DCTD: variants seen among roughly 807,000 people sequenced by gnomAD.
DCTD encodes deoxycytidylate deaminase.
DCTD carries 23 observed loss-of-function variants against 21.0 expected under a neutral mutation model. The ratio of observed to expected loss-of-function variants is 1.09; its 90% CI spans 0.79 to 1.55. The LOEUF is 1.55. Ranked by LOEUF, DCTD falls within the 40% of genes most tolerant of loss-of-function variation. DCTD has a pLI of 0.00. For synonymous variants in DCTD, 71 were observed against 81.1 expected (o/e 0.88, Z 0.67); for missense variants, 224 against 230.0 (o/e 0.97, Z 0.17).
chr4:182,906,208 G>A (rs769025794), intron 3 of DCTD, among the ~76,000 whole-genome samples: 30 of 152,018 alleles, frequency 2.0e-4, no homozygotes, highest in Non-Finnish European at 5.9e-5. Context: ...CATCAGAAAT[G>A]TATTTCTCAC....
intron 3 of DCTD, among the ~76,000 whole-genome samples, chr4:182,913,226 G>C (rs1039853282): frequency 1.3e-5 from 2 of 152,110 alleles, no homozygotes; most frequent in Non-Finnish European, 2.9e-5. Context: ...CACTACCACC[G>C]GCTCTGAAGC....
intron 3 of DCTD, among the ~76,000 whole-genome samples, chr4:182,907,228 C>T (rs115063279): frequency 0.012 from 1,868 of 152,220 alleles, 32 homozygotes; most frequent in African/African-American, 0.043. Flanking sequence ...CTTGGCCTCC[C>T]GAGCTCAAGC....
intron 3 of DCTD, among the ~76,000 whole-genome samples, chr4:182,914,246 G>T (rs1738272681): frequency 6.6e-6 from 1 of 152,226 alleles, no homozygotes; most frequent in African/African-American, 2.4e-5. Flanking sequence ...GACCTCAGGT[G>T]ATCTGCCCGT....
At chr4:182,892,972 A>T (rs1374883017) in intron 5 of DCTD, 59 bp downstream of exon 5, 5 of 1,017,444 alleles carry the variant, frequency 4.9e-6, no homozygotes, top group Admixed American at 1.8e-5. Context: ...AAGGTCAAAT[A>T]CATCTCTTCA....
At position 182,915,515 on chromosome 4, in the gene DCTD, A is replaced by C. The variant is rs1279716643; in HGVS notation, c.54T>G (p.Tyr18Ter). The change falls in exon 2 of 6, where the codon TAT becomes TAG. Residue 18 changes from tyrosine to a stop codon, truncating the protein, a stop_gained. Transcript: ENST00000438320. LOFTEE classifies it high-confidence loss of function. ...CTGATAAGAAGGCCACAGCCATAAA[A>C]TACTCTGGCCATTCCAAATAGTCGT... The part of the protein sequence containing the change: ...KRDDYLEWPE[Y>*]FMAVAFLSAQ... The C allele has an allele frequency of 6.2e-7, 1 of 1,613,990 alleles. No homozygotes were observed. The highest frequency in any genetic ancestry group is 8.5e-7 in the Non-Finnish European group (1 of 1,179,856).
chr4:182,893,831 G>C (rs1018547586), intron 4 of DCTD, among the ~76,000 whole-genome samples: 5 of 152,244 alleles, frequency 3.3e-5, no homozygotes, highest in Non-Finnish European at 7.3e-5. Flanking sequence ...TCTGCTCTGA[G>C]ATCCACAGGA....
intron 3 of DCTD, among the ~76,000 whole-genome samples, chr4:182,910,941 G>A (rs896412445): frequency 5.9e-5 from 9 of 152,090 alleles, no homozygotes; most frequent in Non-Finnish European, 1.0e-4. Context: ...AATGACTTCC[G>A]ACTTACGGAA....
chr4:182,896,510 T>C (rs1734754868), intron 3 of DCTD, among the ~76,000 whole-genome samples: 1 of 152,176 alleles, frequency 6.6e-6, no homozygotes, highest in African/African-American at 2.4e-5. Context: ...GAGAATCATC[T>C]TCGCTGCCCA....
chr4:182,911,752 T>G (rs1368358232), intron 3 of DCTD, among the ~76,000 whole-genome samples: 1 of 152,228 alleles, frequency 6.6e-6, no homozygotes, highest in East Asian at 1.9e-4. Flanking sequence ...ATAAATCCCA[T>G]GTCCAGGACA....
intron 3 of DCTD, among the ~76,000 whole-genome samples, chr4:182,913,704 C>T (rs1290021976): frequency 6.6e-6 from 1 of 152,234 alleles, no homozygotes; most frequent in Non-Finnish European, 1.5e-5. Flanking sequence ...TGTTCATTCT[C>T]AGACATAAAA....
chr4:182,907,793 A>G (rs1445913723), intron 3 of DCTD, among the ~76,000 whole-genome samples: 1 of 152,194 alleles, frequency 6.6e-6, no homozygotes, highest in Non-Finnish European at 1.5e-5. Context: ...TTTCCTTGGA[A>G]TAAGAGAACT....
intron 3 of DCTD, among the ~76,000 whole-genome samples, chr4:182,909,890 T>G (rs904810442): frequency 3.3e-5 from 5 of 152,174 alleles, no homozygotes; most frequent in African/African-American, 1.2e-4. Context: ...AATAGAGAAT[T>G]TAAAGAGGCA....
chr4:182,895,708 T>C (rs904324720), intron 3 of DCTD, among the ~76,000 whole-genome samples: 5 of 152,210 alleles, frequency 3.3e-5, no homozygotes, highest in Non-Finnish European at 7.3e-5. Flanking sequence ...TGAATTTTCC[T>C]GGGTGTGTTA....
intron 3 of DCTD, among the ~76,000 whole-genome samples, chr4:182,896,894 G>C (rs779724725): frequency 6.6e-6 from 1 of 152,142 alleles, no homozygotes; most frequent in Non-Finnish European, 1.5e-5. Flanking sequence ...TCCAATTATT[G>C]ATGGTGACGT....
At chr4:182,912,385 G>A (rs537726500) in intron 3 of DCTD, among the ~76,000 whole-genome samples, 21 of 151,926 alleles carry the variant, frequency 1.4e-4, no homozygotes, top group African/African-American at 5.1e-4. Context: ...CAACTTTTAT[G>A]GTACATCAAA....
chr4:182,902,073 A>G (rs971700019), intron 3 of DCTD, among the ~76,000 whole-genome samples: 1 of 152,166 alleles, frequency 6.6e-6, no homozygotes, highest in South Asian at 2.1e-4. Context: ...ACTAAAATGG[A>G]ATTTCAACTA....
At position 182,896,907 on chromosome 4, in the gene DCTD, G is replaced by A. The variant is rs180708748; in HGVS notation, c.245-2302C>T. 9.9e-5 allele frequency among the ~76,000 whole-genome samples: 15 copies of A among 152,268 alleles called. 1 individual carries two copies. The highest frequency in any genetic ancestry group is 8.3e-4 in the South Asian group (4 of 4,826). ...ATTCCAATTATTGATGGTGACGTTC[G>A]GAAGTACTGGAAGTCCTCTTAAATT... is the stretch of plus-strand genomic sequence containing the variant. On this transcript the variant is annotated intron_variant, in intron 3 of 5. Coordinates refer to ENST00000438320, the MANE Select transcript of DCTD (RefSeq NM_001921.3).
chr4:182,917,036 A>G lies in DCTD; in HGVS notation c.-8+275T>C, dbSNP rs1738864477. 1.0e-6 allele frequency: 1 copy of G among 987,844 alleles called. No homozygotes were observed. The highest frequency in any genetic ancestry group is 1.2e-6 in the Non-Finnish European group (1 of 831,826). 61.2% of individuals were successfully genotyped at this position (987,844 alleles called of 1,614,324 possible). ...GGGATGTGGTGTTCAGACGCCCAGC[A>G]CCACCTCCCGGGGCACTCCAAGGGG... On this transcript the variant is annotated intron_variant, in intron 1 of 5. Coordinates refer to ENST00000438320, the MANE Select transcript of DCTD (RefSeq NM_001921.3). This position sits in a 1 kb window ranked among gnomAD's most constrained non-coding sequence, Gnocchi z 4.9.
intron 3 of DCTD, among the ~76,000 whole-genome samples, chr4:182,912,610 T>TA (rs538752784): frequency 8.7e-4 from 133 of 152,290 alleles, no homozygotes; most frequent in African/African-American, 3.1e-3. Context: ...TGCAGGTTTT[T>TA]AAAAAAATTC....
Sources: gnomAD v4.1 joint callset for allele counts (sites outside exome capture counted in the v4.1 genomes callset) on GRCh38, gnomAD v4.1.1 for gene constraint, Gnocchi (gnomAD v3.1) non-coding constraint, MANE v1.5 for transcripts, NCBI Gene and HGNC (gene_info 2026-07-23, HGNC 2026-07-21) for gene names.